LNX2: variants seen among roughly 807,000 people sequenced by gnomAD.
LNX2 encodes ligand of Numb protein X 2.
LNX2 carries 35 observed loss-of-function variants against 66.2 expected under a neutral mutation model. That is an observed-to-expected ratio of 0.53 (90% CI 0.40 to 0.70). LNX2 has a LOEUF of 0.70. Ranked by LOEUF, LNX2 falls within the 30% of genes least tolerant of loss-of-function variation. The pLI, the probability that LNX2 is intolerant of heterozygous loss-of-function variation, is 0.00. For synonymous variants in LNX2, 337 were observed against 315.6 expected, an observed-to-expected ratio of 1.07 and a Z score of -0.72; for missense variants, 791 against 850.8, an observed-to-expected ratio of 0.93 and a Z score of 0.87.
At position 27,591,002 on chromosome 13, in the gene LNX2, A is replaced by G. The variant is rs1955541246; in HGVS notation, c.-100-9199T>C. Among the ~76,000 whole-genome samples, 3 of 152,174 alleles carry G rather than the reference A, an allele frequency of 2.0e-5. No homozygotes were observed. The South Asian group carries it at 6.2e-4, about 32-fold the overall frequency. On this transcript the variant is annotated intron_variant, in intron 1 of 9. Transcript: ENST00000316334. ...CATATATATGTGTGTGTGTATATAT[A>G]TGTGTGTGTACACACACACATATAC...
rs1955246864 is a variant in LNX2, at chr13:27,569,221, T to C, written c.463A>G (p.Thr155Ala). 1 of 1,613,364 alleles carries C rather than the reference T, an allele frequency of 6.2e-7. No homozygotes were observed. Among genetic ancestry groups the C allele is most frequent in the Non-Finnish European group, 8.5e-7 (1 of 1,179,646 alleles). Reference protein sequence around the residue: ...VALERRKTSRTQAEIENENGP... With the variant: ...VALERRKTSRAQAEIENENGP... ...TTTTCATTCTCAATCTCTGCTTGAG[T>C]TCTACTAGTTTTCCTTCTCTCCAGG... The change falls in exon 3 of 10, where the codon ACT becomes GCT. Residue 155 changes from threonine to alanine, a missense_variant. Coordinates refer to ENST00000316334, the MANE Select transcript of LNX2 (RefSeq NM_153371.4).
intron 1 of LNX2, among the ~76,000 whole-genome samples, chr13:27,583,178 G>GTATA (rs1160000266): frequency 9.1e-4 from 1 of 1,102 alleles, no homozygotes; most frequent in South Asian, 0.028. Context: ...CAGTGTGTGT[G>GTATA]TGTGTGTGTG....
rs71083675 is a variant in LNX2, at chr13:27,560,565, G to GTATATATATATATATATATATA, written c.1225-581_1225-580insTATATATATATATATATATATA. 2.6e-3 allele frequency among the ~76,000 whole-genome samples: 307 copies of GTATATATATATATATATATATA among 119,968 alleles called. 11 individuals carry two copies. Among genetic ancestry groups the GTATATATATATATATATATATA allele is most frequent in the African/African-American group, 3.3e-3 (98 of 30,016 alleles). 78.7% of individuals were successfully genotyped at this position (119,968 alleles called of 152,430 possible). A position where few individuals can be genotyped will look rare whatever the true frequency, so the allele number is the denominator to read the frequency against. On this transcript the variant is annotated intron_variant, in intron 5 of 9. Coordinates refer to ENST00000316334, the MANE Select transcript of LNX2 (RefSeq NM_153371.4). ...ATAACAAGACTTTATATGTATGTGT[G>GTATATATATATATATATATATA]TATATATATATATATATATAGCATA...
intron 5 of LNX2, among the ~76,000 whole-genome samples, chr13:27,560,537 T>C (rs1955118405): frequency 8.9e-6 from 1 of 112,406 alleles, no homozygotes; most frequent in Non-Finnish European, 1.9e-5. Context: ...ACAGAAATCC[T>C]GCATAACAAG....
chr13:27,558,690 C>T (rs901605520), intron 6 of LNX2, among the ~76,000 whole-genome samples: 6 of 152,232 alleles, frequency 3.9e-5, no homozygotes, highest in East Asian at 3.9e-4. Flanking sequence ...CCCTTTTCCA[C>T]AGTCATTATT....
chr13:27,556,452 A>C, intron 6 of LNX2, 39 bp from the exon 7 acceptor site: 1 of 1,554,272 alleles, frequency 6.4e-7, no homozygotes, highest in Non-Finnish European at 8.8e-7. Flanking sequence ...ATAATGAATA[A>C]AATATAGTTG....
At chr13:27,585,594 G>GC (rs1487176890) in intron 1 of LNX2, among the ~76,000 whole-genome samples, 4 of 152,042 alleles carry the variant, frequency 2.6e-5, no homozygotes, top group African/African-American at 4.8e-5. Flanking sequence ...ACATGTCAGT[G>GC]CAAGTACATG....
chr13:27,550,196 A>T (rs1954989228), intron 9 of LNX2, 137 bp downstream of exon 9: 1 of 659,598 alleles, frequency 1.5e-6, no homozygotes, highest in African/African-American at 1.8e-5. Context: ...ATAAACCAGT[A>T]AGTGTAGCTG....
intron 5 of LNX2, among the ~76,000 whole-genome samples, chr13:27,560,565 G>GTGTA (rs35007288): frequency 0.051 from 6,112 of 120,092 alleles, 285 homozygotes; most frequent in Non-Finnish European, 0.075. Flanking sequence ...ATGTATGTGT[G>GTGTA]TATATATATA....
chr13:27,553,420 G>A lies in LNX2; in HGVS notation c.1566C>T (p.Ile522=), dbSNP rs186195972. Reference sequence around the variant, plus strand: ...TTAAATTGGTCAAATCAATGCCGTTGATATTTAGCAACACATCACCTGTTC... The same window carrying A: ...TTAAATTGGTCAAATCAATGCCGTTAATATTTAGCAACACATCACCTGTTC... ...RIKRGDVLLN[I]NGIDLTNLSH... is the part of the protein sequence containing the mutation. The change falls in exon 8 of 10, where the codon ATC becomes ATT. Residue 522 remains isoleucine, a synonymous_variant. Transcript: ENST00000316334. 126 of 1,613,992 alleles carry A rather than the reference G, an allele frequency of 7.8e-5. No individual in the cohort carries two copies. The highest frequency in any genetic ancestry group is 1.0e-4 in the Non-Finnish European group (118 of 1,179,890).
intron 1 of LNX2, among the ~76,000 whole-genome samples, chr13:27,583,954 AG>A (rs1289276239): frequency 6.6e-6 from 1 of 151,904 alleles, no homozygotes; most frequent in East Asian, 2.0e-4. Flanking sequence ...GAGTTGTGAC[AG>A]GAAGTATCAG....
At chr13:27,575,367 T>A (rs1435787077) in intron 2 of LNX2, among the ~76,000 whole-genome samples, 1 of 152,162 alleles carries the variant, frequency 6.6e-6, no homozygotes, top group Non-Finnish European at 1.5e-5. Flanking sequence ...AGATTAAACA[T>A]TGTTTCTGAG....
intron 1 of LNX2, among the ~76,000 whole-genome samples, chr13:27,588,210 T>A (rs1438263358): frequency 6.6e-6 from 1 of 152,144 alleles, no homozygotes; most frequent in Non-Finnish European, 1.5e-5. Flanking sequence ...CACAAAAACT[T>A]GTGCACGAAT....
upstream of LNX2, among the ~76,000 whole-genome samples, chr13:27,620,591 G>C (rs530277751): frequency 6.6e-6 from 1 of 152,180 alleles, no homozygotes; most frequent in Non-Finnish European, 1.5e-5. Flanking sequence ...CTTCCCGGGG[G>C]CAGCGCCAAG....
At chr13:27,582,021 T>C (rs1363469655) in intron 1 of LNX2, among the ~76,000 whole-genome samples, 1 of 152,168 alleles carries the variant, frequency 6.6e-6, no homozygotes, top group East Asian at 1.9e-4. Flanking sequence ...AATTGTCTCT[T>C]TTGATTTTTT....
Position 27,553,416 on chromosome 13 carries a change from C to T in LNX2, c.1570G>A (p.Gly524Ser), listed in dbSNP as rs993110444. 6 of 1,613,850 alleles carry T rather than the reference C, an allele frequency of 3.7e-6. No individual in the cohort carries two copies. Among genetic ancestry groups the T allele is most frequent in the Non-Finnish European group, 4.2e-6 (5 of 1,179,952 alleles). The change falls in exon 8 of 10, where the codon GGC becomes AGC. Residue 524 changes from glycine to serine, a missense_variant. Gly to Ser is a moderately conservative substitution (Grantham distance 56). Coordinates refer to ENST00000316334, the MANE Select transcript of LNX2 (RefSeq NM_153371.4). ...KRGDVLLNIN[G>S]IDLTNLSHSE... ...TGACTTAAATTGGTCAAATCAATGCCGTTGATATTTAGCAACACATCACCT... is the reference window on the plus strand; with the variant it reads ...TGACTTAAATTGGTCAAATCAATGCTGTTGATATTTAGCAACACATCACCT...
intron 7 of LNX2, among the ~76,000 whole-genome samples, chr13:27,554,071 G>GT (rs1168855130): frequency 1.3e-5 from 2 of 152,186 alleles, no homozygotes; most frequent in African/African-American, 4.8e-5. Flanking sequence ...GAAAGGATTA[G>GT]TTTTGTAGGA....
intron 1 of LNX2, among the ~76,000 whole-genome samples, chr13:27,613,759 C>T (rs1033142210): frequency 2.0e-5 from 3 of 151,858 alleles, no homozygotes; most frequent in South Asian, 2.1e-4. Context: ...CAGAGCGAGA[C>T]GCAGTCTCAA....
rs928035760 is a variant in LNX2 at position 27,586,128 on chromosome 13, C to T, written c.-100-4325G>A. Reference sequence around the variant, plus strand: ...TCAGATATATATACGTATATATATACACACATACACATATATATTGCTGTA... The same window carrying T: ...TCAGATATATATACGTATATATATATACACATACACATATATATTGCTGTA... On this transcript the variant is annotated intron_variant, in intron 1 of 9. Transcript: ENST00000316334. Among the ~76,000 whole-genome samples, 6 of 149,840 alleles carry T rather than the reference C, an allele frequency of 4.0e-5. 1 individual carries two copies. Among genetic ancestry groups the T allele is most frequent in the East Asian group, 3.9e-4 (2 of 5,126 alleles).
Sources: gnomAD v4.1 joint callset for allele counts (sites outside exome capture counted in the v4.1 genomes callset) on GRCh38, gnomAD v4.1.1 for gene constraint, MANE v1.5 for transcripts, NCBI Gene and HGNC (gene_info 2026-07-23, HGNC 2026-07-21) for gene names.